The following DTWD2 variants were observed in gnomAD, a reference collection of about 807,000 sequenced individuals.
DTWD2 encodes the protein DTW motif tRNA-uridine aminocarboxypropyltransferase 2, also known as tRNA-uridine aminocarboxypropyltransferase 2.
In DTWD2, 39 loss-of-function variants were observed where a neutral mutation model predicts 31.8. The ratio of observed to expected loss-of-function variants is 1.22; its 90% confidence interval spans 0.95 to 1.60. The LOEUF is 1.60. Ranked by LOEUF, DTWD2 falls within the 40% of genes most tolerant of loss-of-function variation. DTWD2 has a pLI of 0.00. For missense variants in DTWD2, 515 were observed against 381.5 expected (o/e 1.35, Z -2.92); for synonymous variants, 180 against 142.8 (o/e 1.26, Z -1.86).
intron 5 of DTWD2, among the ~76,000 whole-genome samples, chr5:118,847,483 G>A (rs1316392382): frequency 6.6e-6 from 1 of 152,020 alleles, no homozygotes; most frequent in African/African-American, 2.4e-5. Context: ...AAAAGACTGA[G>A]ATGTTAGTAA....
chr5:118,973,208 A>T (rs1424631251), intron 1 of DTWD2, among the ~76,000 whole-genome samples: 15 of 151,418 alleles, frequency 9.9e-5, no homozygotes, highest in African/African-American at 3.4e-4. Flanking sequence ...CTCTTTATCC[A>T]ATTTGCCAGT....
intron 4 of DTWD2, among the ~76,000 whole-genome samples, chr5:118,870,521 G>A (rs1752478317): frequency 6.6e-6 from 1 of 152,154 alleles, no homozygotes; most frequent in Non-Finnish European, 1.5e-5. Context: ...ACATATAAAA[G>A]TTTTGCAGTC....
chr5:118,874,203 A>T (rs763459817), intron 4 of DTWD2, among the ~76,000 whole-genome samples: 3 of 152,218 alleles, frequency 2.0e-5, no homozygotes, highest in Non-Finnish European at 4.4e-5. Context: ...AACCCATCCA[A>T]GGGTGAGCAA....
chr5:118,902,250 A>G (rs1753229115), intron 4 of DTWD2, among the ~76,000 whole-genome samples: 1 of 152,188 alleles, frequency 6.6e-6, no homozygotes, highest in Admixed American at 6.5e-5. Context: ...AAAGAAAAAA[A>G]TAAGTCCTTT....
chr5:118,973,657 G>A lies in DTWD2; in HGVS notation c.218+14637C>T, dbSNP rs434278. 55 of 431,702 alleles carry A rather than the reference G, an allele frequency of 1.3e-4. No individual in the cohort carries two copies. The South Asian group carries it at 1.3e-3, about 11-fold the overall frequency. The allele number at this position is 431,702 out of a possible 1,614,324, so 26.7% of individuals were successfully genotyped here. On this transcript the variant is annotated intron_variant, in intron 1 of 5. Coordinates refer to ENST00000510708, the MANE Select transcript of DTWD2 (RefSeq NM_173666.4). ...TGCTCGCGGCAGCCTCCTTGCTCGC[G>A]GCAGCCTCCTTGCTCGCCGCAGCCG... is the stretch of plus-strand genomic sequence containing the variant.
At chr5:118,884,498 T>A (rs1425922008) in intron 4 of DTWD2, among the ~76,000 whole-genome samples, 1 of 152,178 alleles carries the variant, frequency 6.6e-6, no homozygotes, top group Admixed American at 6.5e-5. Flanking sequence ...TACACAAAGT[T>A]CATCAAATAC....
intron 1 of DTWD2, among the ~76,000 whole-genome samples, chr5:118,957,371 G>A (rs1052584125): frequency 1.5e-4 from 23 of 151,934 alleles, no homozygotes; most frequent in African/African-American, 5.3e-4. Flanking sequence ...ACAGGGGCGC[G>A]CCACCATGCC....
chr5:118,936,180 T>C (rs1754041044), intron 3 of DTWD2, among the ~76,000 whole-genome samples: 1 of 152,184 alleles, frequency 6.6e-6, no homozygotes, highest in Admixed American at 6.5e-5. Flanking sequence ...TTAAAATATT[T>C]TGAACTGAAC....
chr5:118,965,622 G>C (rs1014781376), intron 1 of DTWD2, among the ~76,000 whole-genome samples: 1 of 152,194 alleles, frequency 6.6e-6, no homozygotes, highest in African/African-American at 2.4e-5. Flanking sequence ...TATGGTGTAA[G>C]ATCTATGACC....
intron 1 of DTWD2, among the ~76,000 whole-genome samples, chr5:118,960,971 A>G (rs188347416): frequency 6.6e-6 from 1 of 152,266 alleles, no homozygotes; most frequent in East Asian, 1.9e-4. Context: ...TACCTAGTAG[A>G]TACTATGCTA....
At chr5:118,895,664 A>G (rs1208339679) in intron 4 of DTWD2, among the ~76,000 whole-genome samples, 1 of 152,222 alleles carries the variant, frequency 6.6e-6, no homozygotes, top group Non-Finnish European at 1.5e-5. Flanking sequence ...AAAAGGACAC[A>G]TAGACCAGTG....
chr5:118,949,094 G>A, intron 1 of DTWD2, among the ~76,000 whole-genome samples: 1 of 151,258 alleles, frequency 6.6e-6, no homozygotes, highest in Admixed American at 6.6e-5. Context: ...ATTCTTTTGA[G>A]AACAGATGTT....
intron 5 of DTWD2, among the ~76,000 whole-genome samples, chr5:118,843,379 A>G (rs866325970): frequency 4.0e-5 from 4 of 100,022 alleles, no homozygotes; most frequent in Admixed American, 1.9e-4. Flanking sequence ...GGGAGGAAGG[A>G]AGGAGAGAGA....
intron 1 of DTWD2, among the ~76,000 whole-genome samples, chr5:118,966,828 G>C (rs112258616): frequency 2.8e-4 from 43 of 152,104 alleles, no homozygotes; most frequent in African/African-American, 9.4e-4. Context: ...TCAGGAGTGC[G>C]AGAACAGCCT....
chr5:118,900,411 C>G (rs1048871705), intron 4 of DTWD2, among the ~76,000 whole-genome samples: 22 of 151,928 alleles, frequency 1.4e-4, no homozygotes, highest in Non-Finnish European at 1.9e-4. Context: ...CACAATAATG[C>G]TACAAAACTG....
At chr5:118,881,042 T>A (rs1403767125) in intron 4 of DTWD2, among the ~76,000 whole-genome samples, 1 of 152,204 alleles carries the variant, frequency 6.6e-6, no homozygotes, top group African/African-American at 2.4e-5. Flanking sequence ...TTAGTTTTAA[T>A]GTTATATATT....
At chr5:118,891,932 A>G (rs1752985350) in intron 4 of DTWD2, among the ~76,000 whole-genome samples, 1 of 152,212 alleles carries the variant, frequency 6.6e-6, no homozygotes, top group Non-Finnish European at 1.5e-5. Context: ...ATCTAGCTCA[A>G]TGCTACTAAA....
At chr5:118,964,596 C>T (rs561443429) in intron 1 of DTWD2, among the ~76,000 whole-genome samples, 3 of 152,360 alleles carry the variant, frequency 2.0e-5, no homozygotes, top group South Asian at 2.1e-4. Flanking sequence ...CGTGCCGCCA[C>T]GCCTGACTGG....
At chr5:118,883,184 C>G (rs1752780865) in intron 4 of DTWD2, among the ~76,000 whole-genome samples, 1 of 152,212 alleles carries the variant, frequency 6.6e-6, no homozygotes, top group Admixed American at 6.5e-5. Flanking sequence ...AAAATTCAGC[C>G]AGTCTCTTTG....
Sources: gnomAD v4.1 joint callset for allele counts (sites outside exome capture counted in the v4.1 genomes callset) on GRCh38, gnomAD v4.1.1 for gene constraint, MANE v1.5 for transcripts, NCBI Gene and HGNC (gene_info 2026-07-23, HGNC 2026-07-21) for gene names.